Variants in ZFHX3 observed in about 807,000 individuals in gnomAD.
ZFHX3 encodes zinc finger homeobox protein 3.
Under a neutral mutation model 279.1 loss-of-function variants are expected in ZFHX3, and 42 were observed. The observed-to-expected ratio is 0.15, with a 90% CI of 0.12 to 0.19. The LOEUF is 0.19. Among genes scored for constraint, ZFHX3 ranks in the 10% least tolerant of loss-of-function variants. ZFHX3 has a pLI of 1.00. For missense variants in ZFHX3, 4,981 were observed against 4,754.0 expected, an observed-to-expected ratio of 1.05 and a Z score of -1.40; for synonymous variants, 2,293 against 1,957.8, an observed-to-expected ratio of 1.17 and a Z score of -4.52.
chr16:73,588,569 A>T (rs1244029145), intron 2 of ZFHX3, among the ~76,000 whole-genome samples: 2 of 151,994 alleles, frequency 1.3e-5, no homozygotes, highest in Admixed American at 6.6e-5. Flanking sequence ...GGGCGCCTGT[A>T]GTCCCAGCTA....
rs74030216 is a variant in ZFHX3, at chr16:73,037,840, C to G, written c.-50+9912G>C. On this transcript the variant is annotated intron_variant, in intron 1 of 9. Coordinates refer to ENST00000268489, the MANE Select transcript of ZFHX3 (RefSeq NM_006885.4). ...AAAAAGATAAAATAAACAAACAGAG[C>G]ACCACCGGTTAAGCTATAGAGCCAG... is the stretch of plus-strand genomic sequence containing the variant. Among the ~76,000 whole-genome samples the G allele has an allele frequency of 1.8e-3, 277 of 151,972 alleles. 1 individual carries two copies. The highest frequency in any genetic ancestry group is 6.5e-3 in the African/African-American group (269 of 41,422).
chr16:73,044,709 C>G (rs1459193525), intron 1 of ZFHX3, among the ~76,000 whole-genome samples: 1 of 152,184 alleles, frequency 6.6e-6, no homozygotes, highest in Admixed American at 6.5e-5. Context: ...GCAACCTCCC[C>G]CTCCCAGATT....
chr16:73,488,837 G>T (rs894152758), intron 2 of ZFHX3, among the ~76,000 whole-genome samples: 1 of 152,142 alleles, frequency 6.6e-6, no homozygotes, highest in African/African-American at 2.4e-5. Flanking sequence ...AAGAGCGTTT[G>T]TTCTAGAAAG....
chr16:73,270,346 T>G (rs2014105968), intron 4 of ZFHX3, among the ~76,000 whole-genome samples: 1 of 152,178 alleles, frequency 6.6e-6, no homozygotes, highest in African/African-American at 2.4e-5. Flanking sequence ...CCCACGTGCT[T>G]AGAAACATGC....
chr16:73,627,602 G>A, intron 2 of ZFHX3, among the ~76,000 whole-genome samples: 1 of 152,184 alleles, frequency 6.6e-6, no homozygotes, highest in Non-Finnish European at 1.5e-5. Flanking sequence ...ATCACAAGGG[G>A]AAAGTCTTGA....
intron 2 of ZFHX3, among the ~76,000 whole-genome samples, chr16:73,536,301 A>T (rs149179201): frequency 6.6e-6 from 1 of 152,358 alleles, no homozygotes; most frequent in East Asian, 1.9e-4. Flanking sequence ...ATTTTAAAAA[A>T]CATTCAAAAT....
intron 5 of ZFHX3, among the ~76,000 whole-genome samples, chr16:73,145,596 A>G (rs1329480197): frequency 2.0e-5 from 3 of 152,244 alleles, no homozygotes; most frequent in African/African-American, 7.2e-5. Context: ...AGAGCCGCTT[A>G]TTGATGACTG....
At chr16:73,126,043 T>C (rs1966564095) in intron 7 of ZFHX3, among the ~76,000 whole-genome samples, 1 of 151,974 alleles carries the variant, frequency 6.6e-6, no homozygotes, top group Non-Finnish European at 1.5e-5. Context: ...AGCTGAAAAA[T>C]GCACAGAGAG....
At chr16:73,107,369 T>C (rs1307303982) in intron 7 of ZFHX3, among the ~76,000 whole-genome samples, 1 of 152,178 alleles carries the variant, frequency 6.6e-6, no homozygotes. Context: ...TTTAGTTTTA[T>C]ATATTTCATA....
rs576791502 is a variant in ZFHX3 at position 73,726,446 on chromosome 16, T to C, written c.-1607-46206A>G. 9.2e-5 allele frequency among the ~76,000 whole-genome samples: 14 copies of C among 152,300 alleles called. No individual in the cohort carries two copies. In the South Asian group the frequency reaches 2.7e-3, roughly 29 times the overall value. The stretch of plus-strand genomic sequence containing the variant: ...AGACATGCCTTTGCTGTGGGGATTG[T>C]CCTATGCACTGGGGGTTTGTCCTAC... On this transcript the variant is annotated intron_variant, in intron 1 of 17. Transcript: ENST00000641206.
intron 1 of ZFHX3, among the ~76,000 whole-genome samples, chr16:73,734,616 TA>T (rs2053594405): frequency 6.6e-6 from 1 of 152,172 alleles, no homozygotes; most frequent in South Asian, 2.1e-4. Flanking sequence ...CTAGAATTTG[TA>T]GAGAAAATAA....
chr16:73,358,154 A>G (rs543439256), intron 3 of ZFHX3, among the ~76,000 whole-genome samples: 34 of 152,260 alleles, frequency 2.2e-4, no homozygotes, highest in Admixed American at 7.8e-4. Flanking sequence ...CTTTGTACGG[A>G]TTTGTGCTAG....
intron 3 of ZFHX3, among the ~76,000 whole-genome samples, chr16:73,364,003 T>C (rs1287445275): frequency 6.6e-6 from 1 of 151,958 alleles, no homozygotes; most frequent in Non-Finnish European, 1.5e-5. Flanking sequence ...TGAAACCCCG[T>C]CTCTACTAAA....
chr16:73,172,304 C>G (rs1235171559), intron 5 of ZFHX3, among the ~76,000 whole-genome samples: 1 of 152,210 alleles, frequency 6.6e-6, no homozygotes, highest in Non-Finnish European at 1.5e-5. Flanking sequence ...AGCTCCGACG[C>G]CCTCCTTCCT....
In ZFHX3 at chr16:72,794,472, T is replaced by C. The variant is rs1298354622; in HGVS notation, c.8210A>G (p.Glu2737Gly). 1 of 1,614,200 alleles carries C rather than the reference T, an allele frequency of 6.2e-7. No individual in the cohort carries two copies. The highest frequency in any genetic ancestry group is 1.1e-5 in the South Asian group (1 of 91,086). Residue 2737 changes from glutamate to glycine, a missense_variant, in exon 9 of 10, where the codon GAA (glutamate) becomes GGA (glycine). Glu to Gly is a moderately conservative substitution (Grantham distance 98). Transcript: ENST00000268489. The surrounding 1 kb of genome is among the most constrained non-coding windows in gnomAD (Gnocchi z 4.2). ...TAGGTTGTAGCCAGCTCTCTTGGCT[T>C]CATGCCAGTGACGGGACCGGATATG... ...EAHIRSRHWH[E>G]AKRAGYNLTL... is the part of the protein sequence containing the mutation.
chr16:73,524,275 AG>A (rs2019655725), intron 2 of ZFHX3, among the ~76,000 whole-genome samples: 1 of 152,346 alleles, frequency 6.6e-6, no homozygotes, highest in Admixed American at 6.5e-5. Context: ...AGAAAGTGAC[AG>A]GAAGTCCACT....
At chr16:73,387,593 C>A (rs1376994190) in intron 3 of ZFHX3, among the ~76,000 whole-genome samples, 1 of 152,028 alleles carries the variant, frequency 6.6e-6, no homozygotes, top group South Asian at 2.1e-4. Context: ...AAAATAGCCT[C>A]TTTTCAATAA....
At chr16:73,137,857 G>T (rs1966818731) in intron 6 of ZFHX3, among the ~76,000 whole-genome samples, 1 of 151,950 alleles carries the variant, frequency 6.6e-6, no homozygotes, top group African/African-American at 2.4e-5. Flanking sequence ...TTCCTATAAG[G>T]CTACTCAAAA....
chr16:73,664,474 G>T (rs781623447), intron 2 of ZFHX3, among the ~76,000 whole-genome samples: 5 of 152,050 alleles, frequency 3.3e-5, no homozygotes, highest in African/African-American at 1.2e-4. Context: ...TCAGAAACTT[G>T]CTTTTTATAA....
Sources: allele counts gnomAD v4.1 joint callset (sites outside exome capture counted in the v4.1 genomes callset), GRCh38; gene constraint gnomAD v4.1.1; non-coding constraint Gnocchi (gnomAD v3.1); transcripts MANE v1.5; gene names NCBI Gene and HGNC (gene_info 2026-07-23, HGNC 2026-07-21).